The following EDIL3 variants were observed in gnomAD, a reference collection of about 807,000 sequenced individuals.
EDIL3 encodes EGF like and discoidin domains 3.
EDIL3 carries 37 observed loss-of-function variants against 67.4 expected under a neutral mutation model. That is an observed-to-expected ratio of 0.55 (90% CI 0.42 to 0.72). The LOEUF is 0.72. Ranked by LOEUF, EDIL3 falls within the 30% of genes least tolerant of loss-of-function variation. EDIL3 has a pLI of 0.00. For missense variants in EDIL3, 527 were observed against 586.3 expected (o/e 0.90, Z 1.04); for synonymous variants, 195 against 196.3 (o/e 0.99, Z 0.05).
intron 6 of EDIL3, among the ~76,000 whole-genome samples, chr5:84,095,603 AG>A (rs1257481355): frequency 2.0e-5 from 3 of 152,218 alleles, no homozygotes; most frequent in Non-Finnish European, 4.4e-5. Flanking sequence ...GGTATCTGGC[AG>A]AAGAAATTTC....
In EDIL3 at chr5:83,942,976, A is replaced by C. The variant is rs1744251902; in HGVS notation, c.*443T>G. 1.1e-5 allele frequency: 2 copies of C among 175,746 alleles called. No individual in the cohort carries two copies. Among genetic ancestry groups the C allele is most frequent in the African/African-American group, 4.8e-5 (2 of 41,548 alleles). The allele number at this position is 175,746 out of a possible 1,614,324, so 10.9% of individuals were successfully genotyped here. A position where few individuals can be genotyped will look rare whatever the true frequency, so the allele number is the denominator to read the frequency against. ...GGAAACAGGATAACGTAGAGTCATT[A>C]CAGAAGAAAAAAACTTATTGCTAAC... On this transcript the variant is annotated 3_prime_UTR_variant, in exon 11 of 11. Coordinates refer to ENST00000296591, the MANE Select transcript of EDIL3 (RefSeq NM_005711.5).
chr5:83,977,116 T>A (rs1744889016), intron 9 of EDIL3, among the ~76,000 whole-genome samples: 1 of 151,786 alleles, frequency 6.6e-6, no homozygotes, highest in Admixed American at 6.6e-5. Flanking sequence ...AGTAAGATGT[T>A]TTTGGTTGAT....
intron 4 of EDIL3, among the ~76,000 whole-genome samples, chr5:84,140,994 T>A (rs548381671): frequency 3.4e-4 from 52 of 152,074 alleles, no homozygotes; most frequent in Admixed American, 1.8e-3. Context: ...TCATGTTTAA[T>A]TAAAGACTAG....
At chr5:84,319,484 C>CAA (rs1561255903) in intron 1 of EDIL3, among the ~76,000 whole-genome samples, 6 of 20,796 alleles carry the variant, frequency 2.9e-4, no homozygotes, top group East Asian at 2.0e-3. Context: ...AAACAAAAAA[C>CAA]AAAAAACAAC....
intron 4 of EDIL3, among the ~76,000 whole-genome samples, chr5:84,177,451 G>A (rs1489361535): frequency 6.6e-6 from 1 of 152,108 alleles, no homozygotes; most frequent in African/African-American, 2.4e-5. Flanking sequence ...GGATAAATAG[G>A]TGTACAGGGG....
chr5:84,328,158 A>C (rs1156903912), intron 1 of EDIL3, among the ~76,000 whole-genome samples: 1 of 152,078 alleles, frequency 6.6e-6, no homozygotes, highest in East Asian at 1.9e-4. Flanking sequence ...ATTTTCTGAA[A>C]CATAAATAAA....
chr5:84,034,122 T>C (rs536548922), intron 9 of EDIL3, among the ~76,000 whole-genome samples: 1 of 152,312 alleles, frequency 6.6e-6, no homozygotes, highest in East Asian at 1.9e-4. Context: ...TTACTCATTT[T>C]AAAAGAGTAA....
In EDIL3 at chr5:84,274,809, A is replaced by AC. The variant is rs1745542688; in HGVS notation, c.68-20598_68-20597insG. On this transcript the variant is annotated intron_variant, in intron 1 of 10. Transcript: ENST00000296591. ...GACACACACAGACACACACACACAC[A>AC]AAGAGAGAAAGACCTTCAGAGCACA... Among the ~76,000 whole-genome samples, 21 of 151,666 alleles carry AC rather than the reference A, an allele frequency of 1.4e-4. No individual in the cohort carries two copies. The South Asian group carries it at 4.2e-3, about 30-fold the overall frequency.
At chr5:84,268,938 T>C (rs1745406762) in intron 1 of EDIL3, among the ~76,000 whole-genome samples, 1 of 152,116 alleles carries the variant, frequency 6.6e-6, no homozygotes, top group Non-Finnish European at 1.5e-5. Flanking sequence ...TCCGTTTAGC[T>C]CTATTCATTC....
At chr5:84,139,946 A>T (rs1748160223) in intron 4 of EDIL3, among the ~76,000 whole-genome samples, 1 of 152,174 alleles carries the variant, frequency 6.6e-6, no homozygotes, top group Non-Finnish European at 1.5e-5. Flanking sequence ...AGCAGAGAAG[A>T]TGAAGGAGAG....
At chr5:84,056,362 C>A (rs557006698) in intron 9 of EDIL3, among the ~76,000 whole-genome samples, 1 of 152,030 alleles carries the variant, frequency 6.6e-6, no homozygotes, top group Non-Finnish European at 1.5e-5. Flanking sequence ...AGGAGACATA[C>A]CTAAGGTAAA....
intron 4 of EDIL3, 96 bp downstream of exon 4, chr5:84,180,297 C>G: frequency 5.1e-6 from 7 of 1,382,348 alleles, no homozygotes; most frequent in Non-Finnish European, 1.9e-6. Flanking sequence ...CTCTTCTGCT[C>G]TCAGATTCTA....
chr5:84,115,637 T>G (rs1747650982), intron 5 of EDIL3, among the ~76,000 whole-genome samples: 1 of 152,210 alleles, frequency 6.6e-6, no homozygotes, highest in Non-Finnish European at 1.5e-5. Flanking sequence ...CATTGTAGTT[T>G]GCTTAAGATG....
intron 10 of EDIL3, among the ~76,000 whole-genome samples, chr5:83,949,562 A>G (rs1259813895): frequency 6.6e-6 from 1 of 151,872 alleles, no homozygotes; most frequent in Non-Finnish European, 1.5e-5. Flanking sequence ...TGCAAGAAAC[A>G]TATCTAGACA....
At chr5:84,336,777 A>ATCT (rs1390637170) in intron 1 of EDIL3, among the ~76,000 whole-genome samples, 1 of 152,176 alleles carries the variant, frequency 6.6e-6, no homozygotes, top group Non-Finnish European at 1.5e-5. Context: ...AAGTTTATTT[A>ATCT]TCTTAGATAA....
intron 4 of EDIL3, among the ~76,000 whole-genome samples, chr5:84,166,406 A>G (rs758732834): frequency 5.3e-5 from 8 of 152,094 alleles, no homozygotes; most frequent in Non-Finnish European, 1.2e-4. Flanking sequence ...TCAAAGCCCA[A>G]TATCATGGGA....
intron 1 of EDIL3, among the ~76,000 whole-genome samples, chr5:84,378,404 C>A (rs969512836): frequency 1.3e-5 from 2 of 152,084 alleles, no homozygotes; most frequent in African/African-American, 4.8e-5. Context: ...ACTGCATGTA[C>A]CCAGTTTTTT....
intron 1 of EDIL3, among the ~76,000 whole-genome samples, chr5:84,350,133 T>C (rs1166551553): frequency 1.3e-5 from 2 of 152,142 alleles, no homozygotes; most frequent in African/African-American, 2.4e-5. Context: ...TAGCTTAAGG[T>C]ATTTATGTCT....
chr5:84,102,416 AC>A (rs1747383550), intron 6 of EDIL3, among the ~76,000 whole-genome samples: 1 of 151,670 alleles, frequency 6.6e-6, no homozygotes, highest in Non-Finnish European at 1.5e-5. Context: ...TATCTAGAAA[AC>A]CCCACAGTCT....
Sources: allele counts gnomAD v4.1 joint callset (sites outside exome capture counted in the v4.1 genomes callset), GRCh38; gene constraint gnomAD v4.1.1; transcripts MANE v1.5; gene names NCBI Gene and HGNC (gene_info 2026-07-23, HGNC 2026-07-21).